LRRC4C: variants seen among roughly 807,000 people sequenced by gnomAD.
LRRC4C encodes leucine rich repeat containing 4C.
Under a neutral mutation model 33.6 loss-of-function variants are expected in LRRC4C, and 5 were observed. That is an observed-to-expected ratio of 0.15 (90% confidence interval 0.08 to 0.31). The LOEUF (loss-of-function observed/expected upper bound fraction) is 0.31, where lower values mean the gene tolerates loss of function less well. Ranked by LOEUF, LRRC4C falls within the 10% of genes least tolerant of loss-of-function variation. The probability of loss-of-function intolerance (pLI) is 1.00; values close to 1 mark genes in which losing one functional copy is unlikely to be tolerated. For missense variants in LRRC4C, 560 were observed against 796.7 expected (o/e 0.70, Z 3.58); for synonymous variants, 329 against 302.0 (o/e 1.09, Z -0.93).
intron 1 of LRRC4C, among the ~76,000 whole-genome samples, chr11:41,454,679 C>A (rs753807099): frequency 2.0e-4 from 31 of 152,226 alleles, no homozygotes; most frequent in Non-Finnish European, 3.2e-4. Context: ...GAAAAGGGTA[C>A]TTAGGCTGCT....
In LRRC4C at chr11:40,391,784, G is replaced by GA. The variant is rs1215741590; in HGVS notation, c.-269-72064dup. Among the ~76,000 whole-genome samples, 22 of 150,930 alleles carry GA rather than the reference G, an allele frequency of 1.5e-4. 1 individual carries two copies. Among genetic ancestry groups the GA allele is most frequent in the Middle Eastern group, 3.4e-3 (1 of 294 alleles). On this transcript the variant is annotated intron_variant, in intron 3 of 6. Transcript: ENST00000528697. ...GGCTGGACTTGAATGGTAAGTAAAT[G>GA]AAAAAAAAATATTTACCCAAATAAG...
chr11:40,157,022 A>G (rs1451081512), intron 5 of LRRC4C, among the ~76,000 whole-genome samples: 3 of 152,200 alleles, frequency 2.0e-5, no homozygotes, highest in African/African-American at 7.2e-5. Context: ...CTTCACTATA[A>G]GGCCATAGTC....
intron 2 of LRRC4C, among the ~76,000 whole-genome samples, chr11:40,892,002 G>A (rs1265889855): frequency 6.6e-6 from 1 of 151,942 alleles, no homozygotes; most frequent in Non-Finnish European, 1.5e-5. Context: ...GGGCGTGGTG[G>A]TGGGCACCTG....
rs10682975 is a variant in LRRC4C, at chr11:40,834,911, G to GACACACACACAC, written c.-407+98712_-407+98723dup. On this transcript the variant is annotated intron_variant, in intron 2 of 6. Transcript: ENST00000528697. Reference sequence around the variant, plus strand: ...AGACAGACAGACAGACAGACAGACAGACACACACACACACACACACACACA... The same window carrying GACACACACACAC: ...AGACAGACAGACAGACAGACAGACAGACACACACACACACACACACACACACACACACACACA... 3.3e-3 allele frequency among the ~76,000 whole-genome samples: 281 copies of GACACACACACAC among 84,894 alleles called. 1 individual carries two copies. Among genetic ancestry groups the GACACACACACAC allele is most frequent in the South Asian group, 6.1e-3 (11 of 1,802 alleles). 55.7% of individuals were successfully genotyped at this position (84,894 alleles called of 152,430 possible). A position where few individuals can be genotyped will look rare whatever the true frequency, so the allele number is the denominator to read the frequency against.
intron 4 of LRRC4C, among the ~76,000 whole-genome samples, chr11:40,315,125 T>C (rs986251071): frequency 1.3e-5 from 2 of 151,996 alleles, no homozygotes; most frequent in East Asian, 1.9e-4. Flanking sequence ...ATTATCTGTA[T>C]TGCAGTATCA....
At chr11:41,313,057 A>T (rs944719226) in intron 1 of LRRC4C, among the ~76,000 whole-genome samples, 2 of 152,204 alleles carry the variant, frequency 1.3e-5, no homozygotes, top group African/African-American at 2.4e-5. Context: ...GCAGCAAAGT[A>T]AGAGAAGGCC....
intron 2 of LRRC4C, among the ~76,000 whole-genome samples, chr11:40,838,027 A>C (rs979923847): frequency 6.6e-6 from 1 of 152,178 alleles, no homozygotes; most frequent in Non-Finnish European, 1.5e-5. Flanking sequence ...GTGCCAAAAT[A>C]ATCCCAAACA....
At chr11:40,201,568 C>T (rs1054112639) in intron 5 of LRRC4C, among the ~76,000 whole-genome samples, 2 of 152,110 alleles carry the variant, frequency 1.3e-5, no homozygotes, top group Non-Finnish European at 2.9e-5. Context: ...ACAACTCCAC[C>T]CACGAGCTGG....
intron 2 of LRRC4C, among the ~76,000 whole-genome samples, chr11:40,823,584 G>T (rs1026625898): frequency 7.9e-5 from 12 of 151,550 alleles, no homozygotes; most frequent in African/African-American, 2.4e-4. Flanking sequence ...ATAGCTAATT[G>T]GCACATGAAA....
At chr11:41,316,758 T>C (rs1359370975) in intron 1 of LRRC4C, among the ~76,000 whole-genome samples, 1 of 152,228 alleles carries the variant, frequency 6.6e-6, no homozygotes, top group Non-Finnish European at 1.5e-5. Flanking sequence ...GCAGTTACTT[T>C]AATACTTGAC....
chr11:41,383,699 A>G (rs1953244881), intron 1 of LRRC4C, among the ~76,000 whole-genome samples: 1 of 152,054 alleles, frequency 6.6e-6, no homozygotes, highest in Non-Finnish European at 1.5e-5. Context: ...CATGCATGAA[A>G]CAAGACAAAC....
intron 2 of LRRC4C, among the ~76,000 whole-genome samples, chr11:40,711,759 G>A (rs530313248): frequency 4.6e-5 from 7 of 151,246 alleles, no homozygotes; most frequent in Admixed American, 2.0e-4. Flanking sequence ...AGATAGTAAC[G>A]GAGGATGTTC....
At chr11:40,843,118 A>G (rs934036197) in intron 2 of LRRC4C, among the ~76,000 whole-genome samples, 2 of 152,182 alleles carry the variant, frequency 1.3e-5, no homozygotes, top group African/African-American at 2.4e-5. Flanking sequence ...TTTGAGAACC[A>G]CTTGCCTGGT....
intron 3 of LRRC4C, among the ~76,000 whole-genome samples, chr11:40,631,541 C>T (rs1963480071): frequency 6.6e-6 from 1 of 152,086 alleles, no homozygotes; most frequent in African/African-American, 2.4e-5. Context: ...CTCTTTACCC[C>T]AATACTTCAT....
chr11:41,098,509 G>T (rs567088968), intron 1 of LRRC4C, among the ~76,000 whole-genome samples: 1 of 152,210 alleles, frequency 6.6e-6, no homozygotes, highest in East Asian at 1.9e-4. Context: ...TCAAGATACT[G>T]AAATTCATTT....
chr11:40,177,279 A>C (rs1369164442), intron 5 of LRRC4C, among the ~76,000 whole-genome samples: 2 of 152,142 alleles, frequency 1.3e-5, no homozygotes, highest in African/African-American at 4.8e-5. Flanking sequence ...CAACAAAATG[A>C]TGAGGATACT....
intron 2 of LRRC4C, among the ~76,000 whole-genome samples, chr11:40,762,005 A>C (rs918274241): frequency 2.6e-5 from 4 of 152,172 alleles, no homozygotes; most frequent in Non-Finnish European, 5.9e-5. Flanking sequence ...TCAAAAATAC[A>C]CAGTGATTAA....
At chr11:40,685,615 C>T (rs1944914662) in intron 2 of LRRC4C, among the ~76,000 whole-genome samples, 2 of 151,430 alleles carry the variant, frequency 1.3e-5, no homozygotes, top group African/African-American at 4.8e-5. Context: ...AAATAGAATT[C>T]GAGGACACAC....
chr11:40,681,845 A>G (rs746365311), intron 2 of LRRC4C, among the ~76,000 whole-genome samples: 2 of 152,214 alleles, frequency 1.3e-5, no homozygotes, highest in African/African-American at 2.4e-5. Context: ...TAACTCAGGA[A>G]TGGAAAACCA....
Sources: gnomAD v4.1 joint callset for allele counts (sites outside exome capture counted in the v4.1 genomes callset) on GRCh38, gnomAD v4.1.1 for gene constraint, MANE v1.5 for transcripts, NCBI Gene and HGNC (gene_info 2026-07-23, HGNC 2026-07-21) for gene names.